L3MBTL4: variants seen among roughly 807,000 people sequenced by gnomAD.
L3MBTL4 encodes the protein L3MBTL histone methyl-lysine binding protein 4.
L3MBTL4 carries 70 observed loss-of-function variants against 84.5 expected under a neutral mutation model. The observed-to-expected ratio is 0.83, with a 90% CI of 0.68 to 1.01. The LOEUF (loss-of-function observed/expected upper bound fraction) is 1.01. Ranked by LOEUF, L3MBTL4 falls within the 50% of genes least tolerant of loss-of-function variation. The pLI, the probability that L3MBTL4 is intolerant of heterozygous loss-of-function variation, is 0.00. For synonymous variants in L3MBTL4, 274 were observed against 259.8 expected, an observed-to-expected ratio of 1.05 and a Z score of -0.52; for missense variants, 715 against 754.8, an observed-to-expected ratio of 0.95 and a Z score of 0.62.
chr18:6,313,222 A>G (rs577771715), intron 1 of L3MBTL4, among the ~76,000 whole-genome samples: 1 of 152,162 alleles, frequency 6.6e-6, no homozygotes, highest in African/African-American at 2.4e-5. Context: ...AAGTCTCTCA[A>G]TATGTGTTTA....
At position 6,219,214 on chromosome 18, in the gene L3MBTL4, C is replaced by G. The variant is rs187680650; in HGVS notation, c.785-3379G>C. Among the ~76,000 whole-genome samples the G allele has an allele frequency of 5.3e-5, 8 of 151,960 alleles. No individual in the cohort carries two copies. In the East Asian group the frequency reaches 1.6e-3, roughly 30 times the overall value. ...CAATGACGCGTGGCTCCATCAACCT[C>G]ATACTTATCACTTCGTCCTGCTGAG... On this transcript the variant is annotated intron_variant, in intron 10 of 18. Coordinates refer to ENST00000317931, the MANE Select transcript of L3MBTL4 (RefSeq NM_001330559.2).
At chr18:6,164,794 G>A (rs895903217) in intron 13 of L3MBTL4, among the ~76,000 whole-genome samples, 14 of 152,346 alleles carry the variant, frequency 9.2e-5, no homozygotes, top group Middle Eastern at 3.4e-3. Flanking sequence ...CCAAAGGAAC[G>A]CAGCTCCTCA....
At chr18:6,319,512 C>A (rs1201340603) in intron 1 of L3MBTL4, among the ~76,000 whole-genome samples, 1 of 151,992 alleles carries the variant, frequency 6.6e-6, no homozygotes, top group African/African-American at 2.4e-5. Flanking sequence ...CCTCTATGTA[C>A]ACAAACTAGA....
intron 1 of L3MBTL4, among the ~76,000 whole-genome samples, chr18:6,386,708 A>T (rs2054835290): frequency 6.6e-6 from 1 of 152,142 alleles, no homozygotes; most frequent in South Asian, 2.1e-4. Context: ...GCTGCTTATG[A>T]AGCTGCTCAA....
At chr18:5,976,275 T>C (rs2052926267) in intron 16 of L3MBTL4, among the ~76,000 whole-genome samples, 1 of 152,262 alleles carries the variant, frequency 6.6e-6, no homozygotes, top group Non-Finnish European at 1.5e-5. Flanking sequence ...AAATGATGTT[T>C]TGGATCTATT....
At chr18:6,242,866 C>A (rs571716056) in intron 7 of L3MBTL4, among the ~76,000 whole-genome samples, 1 of 152,250 alleles carries the variant, frequency 6.6e-6, no homozygotes, top group African/African-American at 2.4e-5. Context: ...TGATTTTTTT[C>A]ATAGTTCTTT....
At chr18:6,134,897 G>C (rs2144589782) in intron 14 of L3MBTL4, among the ~76,000 whole-genome samples, 1 of 152,332 alleles carries the variant, frequency 6.6e-6, no homozygotes, top group South Asian at 2.1e-4. Context: ...CAGTGCCCCA[G>C]TAGGGACTCG....
At chr18:6,168,180 T>C (rs1288582290) in intron 13 of L3MBTL4, among the ~76,000 whole-genome samples, 1 of 151,860 alleles carries the variant, frequency 6.6e-6, no homozygotes, top group African/African-American at 2.4e-5. Context: ...TAAAAGAGGA[T>C]ACAAACAAAT....
intron 4 of L3MBTL4, among the ~76,000 whole-genome samples, chr18:6,300,950 AC>A (rs1194923171): frequency 6.6e-6 from 1 of 152,224 alleles, no homozygotes; most frequent in African/African-American, 2.4e-5. Context: ...AAAGAACATG[AC>A]AGGCCTGGGG....
intron 16 of L3MBTL4, among the ~76,000 whole-genome samples, chr18:6,067,841 T>C (rs1000932416): frequency 1.3e-5 from 2 of 152,224 alleles, no homozygotes; most frequent in Admixed American, 1.3e-4. Flanking sequence ...GTGTGATTTC[T>C]TGCGGATGCT....
chr18:6,340,332 A>G (rs992321842), intron 1 of L3MBTL4, among the ~76,000 whole-genome samples: 1 of 152,194 alleles, frequency 6.6e-6, no homozygotes, highest in Non-Finnish European at 1.5e-5. Context: ...CAGTAGATGC[A>G]TTAAAAAGGG....
intron 13 of L3MBTL4, among the ~76,000 whole-genome samples, chr18:6,164,828 A>G (rs2043559266): frequency 6.6e-6 from 1 of 152,228 alleles, no homozygotes; most frequent in Non-Finnish European, 1.5e-5. Context: ...AAAGCTGGAC[A>G]GAGAATGACT....
At chr18:6,030,777 G>A (rs923853364) in intron 16 of L3MBTL4, 56 of 983,988 alleles carry the variant, frequency 5.7e-5, no homozygotes, top group Non-Finnish European at 6.5e-5. Context: ...TTTCTGGCTT[G>A]AAGTTTCATT....
At chr18:6,303,938 C>T (rs924989561) in intron 3 of L3MBTL4, among the ~76,000 whole-genome samples, 10 of 149,600 alleles carry the variant, frequency 6.7e-5, no homozygotes, top group South Asian at 2.1e-4. Context: ...CGCTTGAACC[C>T]GGAAGGCGGA....
chr18:5,977,234 C>T (rs578009100), intron 16 of L3MBTL4, among the ~76,000 whole-genome samples: 2 of 152,338 alleles, frequency 1.3e-5, no homozygotes, highest in East Asian at 3.9e-4. Context: ...CCCTGTGGTG[C>T]CCAGCTCCTC....
chr18:6,046,686 A>G (rs2056634050), intron 16 of L3MBTL4: 2 of 755,064 alleles, frequency 2.6e-6, no homozygotes, highest in Non-Finnish European at 4.9e-6. Context: ...GCAGAAGTAA[A>G]AAAAAGTCTT....
intron 9 of L3MBTL4, 33 bp downstream of exon 9, chr18:6,239,685 T>C (rs199746337): frequency 6.6e-5 from 105 of 1,601,516 alleles, no homozygotes; most frequent in Non-Finnish European, 7.1e-5. Flanking sequence ...AACATATGAA[T>C]ACACAAAAAT....
chr18:5,964,601 C>T (rs1228880952), intron 17 of L3MBTL4, among the ~76,000 whole-genome samples: 1 of 152,114 alleles, frequency 6.6e-6, no homozygotes, highest in African/African-American at 2.4e-5. Context: ...TGTGTAAAGG[C>T]TGCTTTTAAA....
chr18:6,078,455 AG>A (rs1568079239), intron 16 of L3MBTL4, among the ~76,000 whole-genome samples: 3 of 148,872 alleles, frequency 2.0e-5, no homozygotes, highest in Non-Finnish European at 3.0e-5. Context: ...AAAAAAAAAA[AG>A]GGGAAAAAAA....
Sources: gnomAD v4.1 joint callset for allele counts (sites outside exome capture counted in the v4.1 genomes callset) on GRCh38, gnomAD v4.1.1 for gene constraint, MANE v1.5 for transcripts, NCBI Gene and HGNC (gene_info 2026-07-23, HGNC 2026-07-21) for gene names.